FTCDNL1: variants seen among roughly 807,000 people sequenced by gnomAD.
FTCDNL1 encodes formiminotransferase cyclodeaminase N-terminal like.
A neutral mutation model predicts 5.9 loss-of-function variants in FTCDNL1; 11 were observed. That is an observed-to-expected ratio of 1.87 (90% CI 1.18 to 3.10). The LOEUF (loss-of-function observed/expected upper bound fraction) is 3.10. Ranked by LOEUF, FTCDNL1 falls within the 30% of genes most tolerant of loss-of-function variation. FTCDNL1 has a pLI of 0.00. For synonymous variants in FTCDNL1, 58 were observed against 24.8 expected, an observed-to-expected ratio of 2.34 and a Z score of -3.99; for missense variants, 115 against 65.5, an observed-to-expected ratio of 1.76 and a Z score of -2.61.
chr2:199,686,865 G>T, the FTCDNL1 span, among the ~76,000 whole-genome samples: 1 of 152,174 alleles, frequency 6.6e-6, no homozygotes. Flanking sequence ...AAATGGAATA[G>T]ATATTTGGAA....
At chr2:199,717,630 C>T in the FTCDNL1 span, among the ~76,000 whole-genome samples, 15 of 148,676 alleles carry the variant, frequency 1.0e-4, no homozygotes, top group African/African-American at 3.5e-4. Flanking sequence ...TTCATAAAAG[C>T]CCCTCTCCAT....
chr2:199,704,615 A>G, the FTCDNL1 span, among the ~76,000 whole-genome samples: 113,319 of 151,958 alleles, frequency 0.75, 42,801 homozygotes, highest in South Asian at 0.9. Flanking sequence ...GAAGAGCTGG[A>G]TAAATGGGAA....
the FTCDNL1 span, among the ~76,000 whole-genome samples, chr2:199,751,226 T>C: frequency 6.6e-6 from 1 of 152,252 alleles, no homozygotes; most frequent in East Asian, 1.9e-4. Flanking sequence ...AGGCTAATGC[T>C]GTCAGCTTTC....
chr2:199,755,698 C>T (rs1477235403), downstream of FTCDNL1, among the ~76,000 whole-genome samples: 1 of 152,072 alleles, frequency 6.6e-6, no homozygotes, highest in Non-Finnish European at 1.5e-5. Context: ...CTATGCTGCC[C>T]AGGTTCAAAT....
At chr2:199,713,172 C>T in the FTCDNL1 span, among the ~76,000 whole-genome samples, 123,001 of 152,058 alleles carry the variant, frequency 0.81, 51,050 homozygotes, top group South Asian at 0.93. Flanking sequence ...GTCATGAGTG[C>T]TATTCTACTT....
At chr2:199,697,489 G>C in the FTCDNL1 span, among the ~76,000 whole-genome samples, 1 of 152,044 alleles carries the variant, frequency 6.6e-6, no homozygotes, top group Non-Finnish European at 1.5e-5. Flanking sequence ...CATTCTTAAA[G>C]AAAAGAAATT....
intron 4 of FTCDNL1, among the ~76,000 whole-genome samples, chr2:199,813,073 T>C (rs1701135078): frequency 1.3e-5 from 2 of 152,242 alleles, no homozygotes; most frequent in South Asian, 4.1e-4. Flanking sequence ...TAACATCTGA[T>C]GTGTAGCTTT....
the FTCDNL1 span, among the ~76,000 whole-genome samples, chr2:199,704,522 G>A: frequency 6.6e-6 from 1 of 152,198 alleles, no homozygotes; most frequent in African/African-American, 2.4e-5. Context: ...GAAAAGTGTG[G>A]TGGTTGATCA....
At chr2:199,733,648 T>G in the FTCDNL1 span, among the ~76,000 whole-genome samples, 4 of 152,140 alleles carry the variant, frequency 2.6e-5, no homozygotes. Flanking sequence ...GCTGAAAGAA[T>G]GCCCTTAGGA....
chr2:199,785,408 C>G (rs2106340899), intron 3 of FTCDNL1: 1 of 151,840 alleles, frequency 6.6e-6, no homozygotes, highest in African/African-American at 2.4e-5. Context: ...GCCACCACTC[C>G]CAGCTAATTT....
At chr2:199,833,129 T>G (rs753290499) in intron 3 of FTCDNL1, among the ~76,000 whole-genome samples, 1 of 152,040 alleles carries the variant, frequency 6.6e-6, no homozygotes, top group Non-Finnish European at 1.5e-5. Flanking sequence ...GCACCACACC[T>G]GGCTAATTTT....
intron 3 of FTCDNL1, among the ~76,000 whole-genome samples, chr2:199,803,589 T>C (rs1370920151): frequency 6.6e-6 from 1 of 152,148 alleles, no homozygotes; most frequent in African/African-American, 2.4e-5. Flanking sequence ...CTCAGCCTCC[T>C]GAGTAGCTGG....
At chr2:199,673,386 G>A in the FTCDNL1 span, among the ~76,000 whole-genome samples, 1 of 147,224 alleles carries the variant, frequency 6.8e-6, no homozygotes, top group Non-Finnish European at 1.5e-5. Flanking sequence ...AGTTTCCATT[G>A]ACATTTCCTT....
chr2:199,736,318 T>A, the FTCDNL1 span, among the ~76,000 whole-genome samples: 2 of 152,224 alleles, frequency 1.3e-5, no homozygotes, highest in African/African-American at 4.8e-5. Context: ...CTTCAATGTT[T>A]CCATGAGCTT....
intron 3 of FTCDNL1, among the ~76,000 whole-genome samples, chr2:199,775,756 A>T (rs1277610408): frequency 6.6e-6 from 1 of 152,198 alleles, no homozygotes; most frequent in African/African-American, 2.4e-5. Context: ...CAATGAAATG[A>T]GTACCTCTTG....
chr2:199,717,989 A>AAC, the FTCDNL1 span, among the ~76,000 whole-genome samples: 10 of 121,762 alleles, frequency 8.2e-5, no homozygotes, highest in Admixed American at 9.6e-4. Context: ...AAAAAAACAA[A>AAC]AAAAAAAAAA....
At chr2:199,730,713 G>A in the FTCDNL1 span, among the ~76,000 whole-genome samples, 4 of 152,314 alleles carry the variant, frequency 2.6e-5, no homozygotes, top group East Asian at 5.8e-4. Context: ...GCAAGGATGT[G>A]AAGAAATAGG....
the FTCDNL1 span, among the ~76,000 whole-genome samples, chr2:199,724,176 G>C: frequency 2.0e-5 from 3 of 152,148 alleles, no homozygotes; most frequent in African/African-American, 7.2e-5. Flanking sequence ...TTGCACAGAG[G>C]TGTTTATAGT....
chr2:199,849,292 T>C (rs997678401), intron 1 of FTCDNL1, among the ~76,000 whole-genome samples: 2 of 152,232 alleles, frequency 1.3e-5, no homozygotes, highest in Non-Finnish European at 2.9e-5. Context: ...CTTAGCCTTA[T>C]CCCTGTTTTC....
Sources: allele counts gnomAD v4.1 joint callset (sites outside exome capture counted in the v4.1 genomes callset), GRCh38; gene constraint gnomAD v4.1.1; transcripts MANE v1.5; gene names NCBI Gene and HGNC (gene_info 2026-07-23, HGNC 2026-07-21).